SLC25A2: variants seen among roughly 807,000 people sequenced by gnomAD.
SLC25A2 encodes solute carrier family 25 member 2, also known as mitochondrial ornithine transporter 2.
A neutral mutation model predicts 7.4 loss-of-function variants in SLC25A2; 6 were observed. The ratio of observed to expected loss-of-function variants is 0.82; its 90% confidence interval spans 0.45 to 1.61. SLC25A2 has a LOEUF of 1.61. Ranked by LOEUF, SLC25A2 falls within the 40% of genes most tolerant of loss-of-function variation. SLC25A2 has a pLI of 0.01. For synonymous variants in SLC25A2, 158 were observed against 153.4 expected (o/e 1.03, Z -0.22); for missense variants, 356 against 377.3 (o/e 0.94, Z 0.47).
Position 141,303,311 on chromosome 5 carries a change from G to T in SLC25A2, c.555C>A (p.Phe185Leu), listed in dbSNP as rs782403599. Residue 185 changes from phenylalanine (F) to leucine (L), a missense_variant, in exon 1 of 1, where the codon TTC becomes TTA. Phe to Leu is a conservative substitution (Grantham distance 22, BLOSUM62 0). Coordinates refer to ENST00000239451, the MANE Select transcript of SLC25A2 (RefSeq NM_031947.4). Reference protein sequence around the residue: ...STLLQEVPGYFFFFGGYELSR... With the variant: ...STLLQEVPGYLFFFGGYELSR... ...TCAGTTCATAGCCACCAAAGAAAAA[G>T]AAATAACCCGGTACTTCTTGAAGTA... is the stretch of plus-strand genomic sequence containing the variant. 1 of 1,614,180 alleles carries T rather than the reference G, an allele frequency of 6.2e-7. No homozygotes were observed. Among genetic ancestry groups the T allele is most frequent in the Non-Finnish European group, 8.5e-7 (1 of 1,180,024 alleles).
rs782492357 is a variant in SLC25A2 at position 141,303,142 on chromosome 5, T to C, written c.724A>G (p.Met242Val). The C allele has an allele frequency of 8.7e-6, 14 of 1,614,186 alleles. No individual in the cohort carries two copies. The highest frequency in any genetic ancestry group is 1.1e-5 in the Non-Finnish European group (13 of 1,180,040). ...CIKSRIQVLSMYGKQAGFIGT... is the reference protein window; with the variant it reads ...CIKSRIQVLSVYGKQAGFIGT... ...ATAAATCCTGCCTGTTTCCCATACA[T>C]GGAAAGAACTTGAATTCTGGATTTA... is the stretch of plus-strand genomic sequence containing the variant. The change falls in exon 1 of 1, where the codon ATG becomes GTG. Residue 242 changes from methionine to valine, a missense_variant. Physicochemically the swap from Met to Val is conservative, Grantham distance 21. Transcript: ENST00000239451.
At position 141,303,194 on chromosome 5, in the gene SLC25A2, C is replaced by T; in HGVS notation, c.672G>A (p.Trp224Ter). ...TACAATCCACTGGGAACACGACAAG[C>T]CACAGGCAAATTCCAGCAACTCCAC... ...LSGGVAGICL[W>*]LVVFPVDCIK... Residue 224 changes from tryptophan (W) to a stop codon, truncating the protein, a stop_gained, in exon 1 of 1, where the codon TGG (tryptophan) becomes TGA (stop). Coordinates refer to ENST00000239451, the MANE Select transcript of SLC25A2 (RefSeq NM_031947.4). LOFTEE classifies it high-confidence loss of function. The T allele has an allele frequency of 3.7e-6, 6 of 1,614,180 alleles. No homozygotes were observed. The highest frequency in any genetic ancestry group is 5.1e-6 in the Non-Finnish European group (6 of 1,180,040).
chr5:141,303,130 G>A lies in SLC25A2; in HGVS notation c.736C>T (p.Gln246Ter). The A allele has an allele frequency of 6.2e-7, 1 of 1,614,192 alleles. No homozygotes were observed. The highest frequency in any genetic ancestry group is 8.5e-7 in the Non-Finnish European group (1 of 1,180,038). ...RIQVLSMYGK[Q>*]AGFIGTLLSV... ...AAGAGGGTACCAATAAATCCTGCCT[G>A]TTTCCCATACATGGAAAGAACTTGA... Residue 246 changes from glutamine (Q) to a stop codon, truncating the protein, a stop_gained, in exon 1 of 1, where the codon CAG becomes TAG. Coordinates refer to ENST00000239451, the MANE Select transcript of SLC25A2 (RefSeq NM_031947.4). LOFTEE classifies it high-confidence loss of function.
At position 141,303,542 on chromosome 5, in the gene SLC25A2, C is replaced by T. The variant is rs782307592; in HGVS notation, c.324G>A (p.Gln108=). The change falls in exon 1 of 1, where the codon CAG becomes CAA. Residue 108 remains glutamine (Q), a synonymous_variant. Transcript: ENST00000239451. ...MDKQAKLSDL[Q]TAAAGSFASA... is the part of the protein sequence containing the mutation. ...AGGCGAAGGACCCCGCGGCTGCAGT[C>T]TGGAGATCACTCAGCTTTGCCTGCT... 1.9e-6 allele frequency: 3 copies of T among 1,614,254 alleles called. No individual in the cohort carries two copies. The highest frequency in any genetic ancestry group is 2.5e-6 in the Non-Finnish European group (3 of 1,180,040).
At position 141,302,924 on chromosome 5, in the gene SLC25A2, A is replaced by T; in HGVS notation, c.*36T>A. The T allele has an allele frequency of 3.2e-6, 5 of 1,585,868 alleles. No homozygotes were observed. Among genetic ancestry groups the T allele is most frequent in the Non-Finnish European group, 4.3e-6 (5 of 1,166,916 alleles). ...ACCCTGTGATGAACTGTAGTCCTCA[A>T]ACTCATGGACTCGGATCCAGGTTCA... On this transcript the variant is annotated 3_prime_UTR_variant, in exon 1 of 1. Transcript: ENST00000239451.
rs1259005662 is a variant in SLC25A2, at chr5:141,302,741, G to C, written c.*219C>G. 1 of 518,306 alleles carries C rather than the reference G, an allele frequency of 1.9e-6. No individual in the cohort carries two copies. Among genetic ancestry groups the C allele is most frequent in the African/African-American group, 1.9e-5 (1 of 51,938 alleles). The allele number at this position is 518,306 out of a possible 1,614,324, so 32.1% of individuals were successfully genotyped here. ...ACCCTGTACATTCCAGCAAGTGCAA[G>C]AGCAGCAACTTTCCTATTTCAATAC... On this transcript the variant is annotated 3_prime_UTR_variant, in exon 1 of 1. Coordinates refer to ENST00000239451, the MANE Select transcript of SLC25A2 (RefSeq NM_031947.4).
rs140903972 is a variant in SLC25A2, at chr5:141,303,514, C to T, written c.352G>A (p.Ala118Thr). ...GGGCAGAGAGCCAGTGCAGCAAATG[C>T]AGAGGCGAAGGACCCCGCGGCTGCA... ...QTAAAGSFASAFAALALCPTE... is the reference protein window; with the variant it reads ...QTAAAGSFASTFAALALCPTE... The change falls in exon 1 of 1, where the codon GCA (alanine) becomes ACA (threonine). Residue 118 changes from alanine to threonine, a missense_variant. Transcript: ENST00000239451. The T allele has an allele frequency of 1.2e-4, 191 of 1,614,230 alleles. No individual in the cohort carries two copies. Among genetic ancestry groups the T allele is most frequent in the African/African-American group, 7.7e-4 (58 of 75,062 alleles).
rs782397814 is a variant in SLC25A2 at position 141,303,526 on chromosome 5, A to G, written c.340T>C (p.Ser114Pro). The change falls in exon 1 of 1, where the codon TCC becomes CCC. Residue 114 changes from serine (S) to proline (P), a missense_variant. Transcript: ENST00000239451. ...AGTGCAGCAAATGCAGAGGCGAAGG[A>G]CCCCGCGGCTGCAGTCTGGAGATCA... is the stretch of plus-strand genomic sequence containing the variant. The part of the protein sequence containing the change: ...LSDLQTAAAG[S>P]FASAFAALAL... 1 of 1,614,064 alleles carries G rather than the reference A, an allele frequency of 6.2e-7. No individual in the cohort carries two copies. Among genetic ancestry groups the G allele is most frequent in the Non-Finnish European group, 8.5e-7 (1 of 1,180,014 alleles).
Position 141,303,269 on chromosome 5 carries a change from C to T in SLC25A2, c.597G>A (p.Ala199=), listed in dbSNP as rs781909824. ...CTAGTTCATCTTTTGATCTCCCTGA[C>T]GCAAAAAACGATCGGCTCAGTTCAT... The part of the protein sequence containing the change: ...GGYELSRSFF[A]SGRSKDELGP... The change falls in exon 1 of 1, where the codon GCG becomes GCA. Residue 199 remains alanine, a synonymous_variant. Transcript: ENST00000239451. 1.9e-5 allele frequency: 31 copies of T among 1,613,858 alleles called. No homozygotes were observed. The East Asian group carries it at 6.9e-4, about 36-fold the overall frequency.
chr5:141,303,683 C>T lies in SLC25A2; in HGVS notation c.183G>A (p.Arg61=). The change falls in exon 1 of 1, where the codon CGG becomes CGA. Residue 61 remains arginine (R), a synonymous_variant. Coordinates refer to ENST00000239451, the MANE Select transcript of SLC25A2 (RefSeq NM_031947.4). Reference sequence around the variant, plus strand: ...CCGGGCCGGTGCCCTTGTAGAAGCCCCGGAGACCCACTTGAGCGTATGTCT... The same window carrying T: ...CCGGGCCGGTGCCCTTGTAGAAGCCTCGGAGACCCACTTGAGCGTATGTCT... ...FLKTYAQVGL[R]GFYKGTGPAL... The T allele has an allele frequency of 6.2e-7, 1 of 1,614,052 alleles. No individual in the cohort carries two copies. The highest frequency in any genetic ancestry group is 8.5e-7 in the Non-Finnish European group (1 of 1,179,900).
rs1554296105 is a variant in SLC25A2, at chr5:141,303,633, T to C, written c.233A>G (p.Asn78Ser). 4 of 1,614,114 alleles carry C rather than the reference T, an allele frequency of 2.5e-6. No homozygotes were observed. The Admixed American group carries it at 5.0e-5, about 20-fold the overall frequency. ...CCCGTAGCACATGAAGAGGACCGAGTTTTCGGCGACGTAGGCCATAAGTGC... is the reference window on the plus strand; with the variant it reads ...CCCGTAGCACATGAAGAGGACCGAGCTTTCGGCGACGTAGGCCATAAGTGC... ...GPALMAYVAENSVLFMCYGFC... is the reference protein window; with the variant it reads ...GPALMAYVAESSVLFMCYGFC... The change falls in exon 1 of 1, where the codon AAC becomes AGC. Residue 78 changes from asparagine to serine, a missense_variant. Physicochemically the swap from Asn to Ser is conservative, Grantham distance 46. Transcript: ENST00000239451.
rs782293095 is a variant in SLC25A2 at position 141,303,393 on chromosome 5, T to C, written c.473A>G (p.Lys158Arg). 4.5e-5 allele frequency: 72 copies of C among 1,614,234 alleles called. No homozygotes were observed. In the Admixed American group the frequency reaches 5.5e-4, roughly 12 times the overall value. ...GGGGCCATCCTTTTTAAGGATACCC[T>C]TCACGACAGACCAAATTGTATTATG... ...KSHNTIWSVV[K>R]GILKKDGPLG... is the part of the protein sequence containing the mutation. The change falls in exon 1 of 1, where the codon AAG (lysine) becomes AGG (arginine). Residue 158 changes from lysine to arginine, a missense_variant. Lys to Arg is a conservative substitution (Grantham distance 26, BLOSUM62 2). Coordinates refer to ENST00000239451, the MANE Select transcript of SLC25A2 (RefSeq NM_031947.4).
In SLC25A2 at chr5:141,303,317, A is replaced by G; in HGVS notation, c.549T>C (p.Gly183=). Residue 183 remains glycine, a synonymous_variant, in exon 1 of 1, where the codon GGT becomes GGC. Coordinates refer to ENST00000239451, the MANE Select transcript of SLC25A2 (RefSeq NM_031947.4). ...CATAGCCACCAAAGAAAAAGAAATA[A>G]CCCGGTACTTCTTGAAGTAGAGTAC... ...LSSTLLQEVP[G]YFFFFGGYEL... is the part of the protein sequence containing the mutation. 1 of 1,614,098 alleles carries G rather than the reference A, an allele frequency of 6.2e-7. No homozygotes were observed. The highest frequency in any genetic ancestry group is 1.1e-5 in the South Asian group (1 of 91,070).
Position 141,303,194 on chromosome 5 carries a change from C to A in SLC25A2, c.672G>T (p.Trp224Cys). 1 of 1,614,180 alleles carries A rather than the reference C, an allele frequency of 6.2e-7. No homozygotes were observed. The highest frequency in any genetic ancestry group is 1.1e-5 in the South Asian group (1 of 91,084). Residue 224 changes from tryptophan to cysteine, a missense_variant, in exon 1 of 1, where the codon TGG (tryptophan) becomes TGT (cysteine). Physicochemically the swap from Trp to Cys is radical, Grantham distance 215. Transcript: ENST00000239451. ...TACAATCCACTGGGAACACGACAAGCCACAGGCAAATTCCAGCAACTCCAC... is the reference window on the plus strand; with the variant it reads ...TACAATCCACTGGGAACACGACAAGACACAGGCAAATTCCAGCAACTCCAC... Reference protein sequence around the residue: ...LSGGVAGICLWLVVFPVDCIK... With the variant: ...LSGGVAGICLCLVVFPVDCIK...
rs1554296087 is a variant in SLC25A2, at chr5:141,303,543, T to C, written c.323A>G (p.Gln108Arg). Residue 108 changes from glutamine to arginine, a missense_variant, in exon 1 of 1, where the codon CAG (glutamine) becomes CGG (arginine). By Grantham distance (43) the Gln-to-Arg change is conservative. Coordinates refer to ENST00000239451, the MANE Select transcript of SLC25A2 (RefSeq NM_031947.4). ...MDKQAKLSDL[Q>R]TAAAGSFASA... is the part of the protein sequence containing the mutation. Reference sequence around the variant, plus strand: ...GGCGAAGGACCCCGCGGCTGCAGTCTGGAGATCACTCAGCTTTGCCTGCTT... The same window carrying C: ...GGCGAAGGACCCCGCGGCTGCAGTCCGGAGATCACTCAGCTTTGCCTGCTT... The C allele has an allele frequency of 3.7e-6, 6 of 1,614,236 alleles. No individual in the cohort carries two copies. The highest frequency in any genetic ancestry group is 2.5e-6 in the Non-Finnish European group (3 of 1,180,046).
Position 141,303,391 on chromosome 5 carries a change from C to T in SLC25A2, c.475G>A (p.Gly159Ser), listed in dbSNP as rs10075302. The change falls in exon 1 of 1, where the codon GGT becomes AGT. Residue 159 changes from glycine (G) to serine (S), a missense_variant. Transcript: ENST00000239451. ...AAGGGGCCATCCTTTTTAAGGATAC[C>T]CTTCACGACAGACCAAATTGTATTA... ...SHNTIWSVVK[G>S]ILKKDGPLGF... 2 of 1,614,128 alleles carry T rather than the reference C, an allele frequency of 1.2e-6. No homozygotes were observed. Among genetic ancestry groups the T allele is most frequent in the South Asian group, 2.2e-5 (2 of 91,076 alleles).
In SLC25A2 at chr5:141,302,926, C is replaced by T; in HGVS notation, c.*34G>A. 1 of 1,587,532 alleles carries T rather than the reference C, an allele frequency of 6.3e-7. No individual in the cohort carries two copies. Among genetic ancestry groups the T allele is most frequent in the Non-Finnish European group, 8.6e-7 (1 of 1,167,420 alleles). The stretch of plus-strand genomic sequence containing the variant: ...CCTGTGATGAACTGTAGTCCTCAAA[C>T]TCATGGACTCGGATCCAGGTTCACC... On this transcript the variant is annotated 3_prime_UTR_variant, in exon 1 of 1. Coordinates refer to ENST00000239451, the MANE Select transcript of SLC25A2 (RefSeq NM_031947.4).
In SLC25A2 at chr5:141,303,750, G is replaced by T; in HGVS notation, c.116C>A (p.Thr39Lys). The T allele has an allele frequency of 1.9e-6, 3 of 1,614,224 alleles. No individual in the cohort carries two copies. The highest frequency in any genetic ancestry group is 1.7e-6 in the Non-Finnish European group (2 of 1,180,042). ...GAGGCCCTTGTACAGGTCAGGGAACGTCTGCATCTTCACTTTTATTGTGTC... is the reference window on the plus strand; with the variant it reads ...GAGGCCCTTGTACAGGTCAGGGAACTTCTGCATCTTCACTTTTATTGTGTC... ...PFDTIKVKMQ[T>K]FPDLYKGLTD... The change falls in exon 1 of 1, where the codon ACG becomes AAG. Residue 39 changes from threonine to lysine, a missense_variant. By Grantham distance (78) the Thr-to-Lys change is moderately conservative. Transcript: ENST00000239451.
rs1466859037 is a variant in SLC25A2 at position 141,302,824 on chromosome 5, T to C, written c.*136A>G. The C allele has an allele frequency of 3.9e-6, 3 of 761,062 alleles. No homozygotes were observed. Among genetic ancestry groups the C allele is most frequent in the Non-Finnish European group, 6.2e-6 (3 of 486,458 alleles). The allele number at this position is 761,062 out of a possible 1,614,324, so 47.1% of individuals were successfully genotyped here. ...GAGGCCCTTCCATAAAGTTAAGATT[T>C]AGGGTAGAAGAAGGGAAGATAAAAC... is the stretch of plus-strand genomic sequence containing the variant. On this transcript the variant is annotated 3_prime_UTR_variant, in exon 1 of 1. Coordinates refer to ENST00000239451, the MANE Select transcript of SLC25A2 (RefSeq NM_031947.4).
Sources: gnomAD v4.1 joint callset for allele counts on GRCh38, gnomAD v4.1.1 for gene constraint, MANE v1.5 for transcripts, NCBI Gene and HGNC (gene_info 2026-07-23, HGNC 2026-07-21) for gene names.